PTPN3: variants seen among roughly 807,000 people sequenced by gnomAD.
The protein encoded by PTPN3 is protein tyrosine phosphatase non-receptor type 3.
A neutral mutation model predicts 132.7 loss-of-function variants in PTPN3; 96 were observed. The ratio of observed to expected loss-of-function variants is 0.72; its 90% CI spans 0.61 to 0.86. The LOEUF (loss-of-function observed/expected upper bound fraction) is 0.86. Among genes scored for constraint, PTPN3 ranks in the 40% least tolerant of loss-of-function variants. The probability of loss-of-function intolerance (pLI) is 0.00; values close to 1 mark genes in which losing one functional copy is unlikely to be tolerated. For synonymous variants in PTPN3, 398 were observed against 429.0 expected, an observed-to-expected ratio of 0.93 and a Z score of 0.89; for missense variants, 1,125 against 1,159.6, an observed-to-expected ratio of 0.97 and a Z score of 0.43.
At chr9:109,500,140 G>A (rs1202118427), upstream of PTPN3, among the ~76,000 whole-genome samples, 1 of 152,262 alleles carries the variant, frequency 6.6e-6, no homozygotes, top group Non-Finnish European at 1.5e-5. Context: ...CCGAGTGGAA[G>A]TTGAGTGAAA....
At chr9:109,408,568 T>C (rs1251279837) in intron 16 of PTPN3, among the ~76,000 whole-genome samples, 191 bp from the exon 17 acceptor site, 1 of 151,824 alleles carries the variant, frequency 6.6e-6, no homozygotes, top group Non-Finnish European at 1.5e-5. Context: ...TGGAACAAAT[T>C]CCTGACCCCT....
intron 7 of PTPN3, 26 bp downstream of exon 7, chr9:109,445,214 C>T (rs371777883): frequency 1.5e-5 from 24 of 1,604,626 alleles, no homozygotes; most frequent in African/African-American, 5.4e-5. Context: ...CCTGTCCATC[C>T]GTGAAATGCT....
chr9:109,418,492 A>G (rs1290536289), intron 14 of PTPN3, among the ~76,000 whole-genome samples: 1 of 152,244 alleles, frequency 6.6e-6, no homozygotes, highest in Non-Finnish European at 1.5e-5. Context: ...ACTGCAAGCA[A>G]GGTGATGATT....
chr9:109,409,866 C>T, intron 16 of PTPN3, 133 bp downstream of exon 16: 3 of 1,399,072 alleles, frequency 2.1e-6, no homozygotes, highest in Non-Finnish European at 2.8e-6. Context: ...AAAAAACCCC[C>T]AACTCTCAAT....
chr9:109,524,363 G>T, the PTPN3 span, among the ~76,000 whole-genome samples: 3,287 of 60,984 alleles, frequency 0.054, 860 homozygotes, highest in East Asian at 0.24. Context: ...AACCTATGAA[G>T]GAGGTACTAT....
At chr9:109,495,511 C>T (rs1307944678) in intron 1 of PTPN3, among the ~76,000 whole-genome samples, 5 of 152,170 alleles carry the variant, frequency 3.3e-5, no homozygotes, top group Admixed American at 6.5e-5. Context: ...AAAATTGGTC[C>T]CTCTTGCTCC....
intron 16 of PTPN3, among the ~76,000 whole-genome samples, chr9:109,408,798 T>A (rs371258272): frequency 0.031 from 1,602 of 51,328 alleles, 19 homozygotes; most frequent in East Asian, 0.1. Context: ...AAAAAAAAAA[T>A]ATATATATAT....
At chr9:109,456,815 G>A (rs1175101584) in intron 4 of PTPN3, among the ~76,000 whole-genome samples, 1 of 147,276 alleles carries the variant, frequency 6.8e-6, no homozygotes. Context: ...AGTATGAGGT[G>A]TTTGTGTTTG....
At chr9:109,534,056 T>C in the PTPN3 span, 1 of 770,176 alleles carries the variant, frequency 1.3e-6, no homozygotes, top group South Asian at 1.4e-5. Context: ...TTATTCTTCG[T>C]TTTGGCAGTC....
At chr9:109,408,421 T>TAAAC (rs35463120) in intron 16 of PTPN3, 44 bp from the exon 17 acceptor site, 957,053 of 1,191,126 alleles carry the variant, frequency 0.8, 394,241 homozygotes, top group African/African-American at 0.91. Flanking sequence ...TTTTTTAAGT[T>TAAAC]AAACAAACAA....
chr9:109,389,953 TGG>T (rs982184467), intron 21 of PTPN3, among the ~76,000 whole-genome samples: 9 of 152,354 alleles, frequency 5.9e-5, no homozygotes, highest in African/African-American at 1.9e-4. Flanking sequence ...TTTTGCCCTC[TGG>T]ACTGAGTCCT....
chr9:109,445,418 G>A, intron 6 of PTPN3, 126 bp from the exon 7 acceptor site: 1 of 869,482 alleles, frequency 1.2e-6, no homozygotes, highest in Non-Finnish European at 1.9e-6. Context: ...AACATGAATT[G>A]TAACAAAAGC....
chr9:109,533,894 C>T, the PTPN3 span: 11 of 759,682 alleles, frequency 1.4e-5, no homozygotes, highest in Non-Finnish European at 2.4e-5. Context: ...TGGATAGCAT[C>T]TATAAGGGTT....
At chr9:109,404,997 TA>T (rs1395839907) in intron 18 of PTPN3, among the ~76,000 whole-genome samples, 1 of 152,222 alleles carries the variant, frequency 6.6e-6, no homozygotes, top group East Asian at 1.9e-4. Flanking sequence ...TTTACTTCCC[TA>T]AAATGGGCAT....
At chr9:109,532,879 A>C in the PTPN3 span, 983,960 of 1,125,168 alleles carry the variant, frequency 0.87, 431,300 homozygotes, top group African/African-American at 0.97. Flanking sequence ...ATTCTCAATT[A>C]TCAGCTGGTG....
At position 109,376,308 on chromosome 9, in the gene PTPN3, T is replaced by A. The variant is rs1353568444; in HGVS notation, c.*3248A>T. 1.3e-5 allele frequency: 2 copies of A among 152,154 alleles called. No individual in the cohort carries two copies. The highest frequency in any genetic ancestry group is 2.4e-5 in the African/African-American group (1 of 41,418). 9.4% of individuals were successfully genotyped at this position (152,154 alleles called of 1,614,324 possible). On this transcript the variant is annotated 3_prime_UTR_variant, in exon 26 of 26. Transcript: ENST00000374541. ...CCATTTCTGCTGCCTCTTTGTTGCC[T>A]CTGGAGGATGAAGAGGGCTTTTTCG...
chr9:109,533,299 C>A, the PTPN3 span: 1,256 of 404,886 alleles, frequency 3.1e-3, 34 homozygotes, highest in South Asian at 0.028. Flanking sequence ...CGCCCGCCAC[C>A]GCGCCCGGCT....
At chr9:109,383,021 C>T (rs556016957) in intron 23 of PTPN3, among the ~76,000 whole-genome samples, 15 of 152,282 alleles carry the variant, frequency 9.9e-5, no homozygotes, top group East Asian at 9.6e-4. Flanking sequence ...ATGAATTGGA[C>T]GACTCTAGGC....
At chr9:109,530,763 A>G in the PTPN3 span, among the ~76,000 whole-genome samples, 1 of 152,138 alleles carries the variant, frequency 6.6e-6, no homozygotes, top group African/African-American at 2.4e-5. Flanking sequence ...ATCCATTCTA[A>G]TGGGTGTGAA....
Sources: allele counts gnomAD v4.1 joint callset (sites outside exome capture counted in the v4.1 genomes callset), GRCh38; gene constraint gnomAD v4.1.1; transcripts MANE v1.5; gene names NCBI Gene and HGNC (gene_info 2026-07-23, HGNC 2026-07-21).